The following OVCH2 variants were observed in gnomAD, a reference collection of about 807,000 sequenced individuals.
The protein encoded by OVCH2 is ovochymase-2.
Under a neutral mutation model 73.7 loss-of-function variants are expected in OVCH2, and 88 were observed. The observed-to-expected ratio is 1.19, with a 90% CI of 1.01 to 1.43. OVCH2 has a LOEUF of 1.43. Among genes scored for constraint, OVCH2 ranks in the 40% most tolerant of loss-of-function variants. The pLI, the probability that OVCH2 is intolerant of heterozygous loss-of-function variation, is 0.00. For synonymous variants in OVCH2, 265 were observed against 234.5 expected (o/e 1.13, Z -1.19); for missense variants, 706 against 674.5 (o/e 1.05, Z -0.52).
At chr11:7,701,154 A>C (rs1479189614) in intron 6 of OVCH2, among the ~76,000 whole-genome samples, 170 bp downstream of exon 6, 1 of 152,156 alleles carries the variant, frequency 6.6e-6, no homozygotes, top group Non-Finnish European at 1.5e-5. Context: ...TTTCTCACAC[A>C]TTTAACTAAC....
At chr11:7,688,215 A>G (rs1029432945), downstream of OVCH2, among the ~76,000 whole-genome samples, 4 of 151,048 alleles carry the variant, frequency 2.6e-5, no homozygotes, top group African/African-American at 9.8e-5. Flanking sequence ...TTGGGTTGCA[A>G]CTCTCACCTT....
chr11:7,703,775 T>C lies in OVCH2; in HGVS notation c.213A>G (p.Gln71=), dbSNP rs1322241764. 1 of 1,607,616 alleles carries C rather than the reference T, an allele frequency of 6.2e-7. No individual in the cohort carries two copies. Among genetic ancestry groups the C allele is most frequent in the Admixed American group, 1.7e-5 (1 of 59,222 alleles). ...GSYPWQVSLK[Q]RQKHICGGSI... is the part of the protein sequence containing the mutation. ...TTCCTCCACAAATATGCTTCTGCCT[T>C]TGTTTCAGAGATACCTAAATTGCAA... The change falls in exon 3 of 16, where the codon CAA becomes CAG. Residue 71 remains glutamine, a synonymous_variant. Transcript: ENST00000533663.
chr11:7,696,699 G>C lies in OVCH2; in HGVS notation c.1016+10C>G, dbSNP rs200952225. The C allele has an allele frequency of 3.7e-5, 60 of 1,613,698 alleles. No homozygotes were observed. Among genetic ancestry groups the C allele is most frequent in the Middle Eastern group, 3.3e-4 (2 of 6,084 alleles). ...GAGTAAGGAGGAGGAGTACAAAGGG[G>C]GTTACTCACTGCTTGCTCTCATAAT... is the stretch of plus-strand genomic sequence containing the variant. On this transcript the variant is annotated intron_variant, in intron 9 of 15. Transcript: ENST00000533663.
downstream of OVCH2, among the ~76,000 whole-genome samples, chr11:7,689,097 T>G (rs540939618): frequency 9.8e-5 from 15 of 152,346 alleles, no homozygotes; most frequent in African/African-American, 3.4e-4. Context: ...AATCAGACAC[T>G]AATCTAATTG....
Position 7,690,018 on chromosome 11 carries a change from G to A in OVCH2, c.1640-5C>T, listed in dbSNP as rs1317014750. ...AGATGTTTAAATCTGGGTATACTGG[G>A]TATAAGTATGATACAATTACTCAGT... On this transcript the variant is annotated splice_region_variant and splice_polypyrimidine_tract_variant and intron_variant, in intron 14 of 15. Coordinates refer to ENST00000533663, the MANE Select transcript of OVCH2 (RefSeq NM_198185.7). 2.0e-6 allele frequency: 3 copies of A among 1,494,046 alleles called. No individual in the cohort carries two copies. The highest frequency in any genetic ancestry group is 1.8e-6 in the Non-Finnish European group (2 of 1,109,174). The allele number at this position is 1,494,046 out of a possible 1,614,324, so 92.5% of individuals were successfully genotyped here.
At chr11:7,687,338 T>A (rs115116336), downstream of OVCH2, among the ~76,000 whole-genome samples, 5,481 of 147,096 alleles carry the variant, frequency 0.037, 131 homozygotes, top group African/African-American at 0.074. Flanking sequence ...ATAATAATAA[T>A]AATAAAGCCT....
intron 12 of OVCH2, among the ~76,000 whole-genome samples, chr11:7,692,834 C>T (rs564500567): frequency 6.6e-6 from 1 of 152,150 alleles, no homozygotes; most frequent in Non-Finnish European, 1.5e-5. Flanking sequence ...TCATGACAAA[C>T]CTTTTCTCAT....
intron 8 of OVCH2, 31 bp from the exon 9 acceptor site, chr11:7,696,830 A>T: frequency 6.4e-7 from 1 of 1,573,680 alleles, no homozygotes; most frequent in East Asian, 2.3e-5. Context: ...AGTCAGGGTT[A>T]GTTATGCCAG....
At chr11:7,694,978 A>G in intron 12 of OVCH2, 80 bp downstream of exon 12, 1 of 1,459,296 alleles carries the variant, frequency 6.9e-7, no homozygotes, top group Non-Finnish European at 9.2e-7. Flanking sequence ...TAAATCAGAT[A>G]AAACCTCTGA....
At chr11:7,691,508 T>C (rs754063471) in intron 13 of OVCH2, 108 bp from the exon 14 acceptor site, 62 of 1,348,982 alleles carry the variant, frequency 4.6e-5, no homozygotes, top group Non-Finnish European at 5.8e-5. Context: ...TGTTGAGAAA[T>C]ACGCTTTTCA....
intron 12 of OVCH2, among the ~76,000 whole-genome samples, chr11:7,694,568 G>A (rs1856284908): frequency 6.6e-6 from 1 of 151,938 alleles, no homozygotes; most frequent in Non-Finnish European, 1.5e-5. Flanking sequence ...AGGAAGACAT[G>A]CTTGTTTCTG....
chr11:7,699,129 G>C (rs564411665), intron 7 of OVCH2: 204 of 187,120 alleles, frequency 1.1e-3, no homozygotes, highest in African/African-American at 4.6e-3. Context: ...TGAGGGCTCA[G>C]ATACCTGCCA....
intron 14 of OVCH2, among the ~76,000 whole-genome samples, chr11:7,690,795 T>C (rs974588140): frequency 6.6e-6 from 1 of 152,200 alleles, no homozygotes; most frequent in South Asian, 2.1e-4. Flanking sequence ...ATTTCTGTTC[T>C]TTTTATTGGT....
intron 7 of OVCH2, 73 bp downstream of exon 7, chr11:7,700,223 C>T (rs1042502521): frequency 1.4e-6 from 2 of 1,469,152 alleles, no homozygotes; most frequent in Non-Finnish European, 1.9e-6. Context: ...TCTGATTTGC[C>T]AGGACTCTGC....
chr11:7,691,407 G>T lies in OVCH2; in HGVS notation c.1508-7C>A, dbSNP rs772272125. The T allele has an allele frequency of 1.2e-6, 2 of 1,610,358 alleles. No individual in the cohort carries two copies. The highest frequency in any genetic ancestry group is 4.5e-5 in the East Asian group (2 of 44,790). On this transcript the variant is annotated splice_region_variant and splice_polypyrimidine_tract_variant and intron_variant, in intron 13 of 15. Coordinates refer to ENST00000533663, the MANE Select transcript of OVCH2 (RefSeq NM_198185.7). Reference sequence around the variant, plus strand: ...TCATAGCCACACAGCCGAGCTTGTTGAAGGCCAGCCCAGGCATGACATTGT... The same window carrying T: ...TCATAGCCACACAGCCGAGCTTGTTTAAGGCCAGCCCAGGCATGACATTGT...
intron 11 of OVCH2, 134 bp downstream of exon 11, chr11:7,695,436 T>C (rs2136154716): frequency 2.0e-6 from 2 of 982,602 alleles, no homozygotes; most frequent in East Asian, 5.2e-5. Flanking sequence ...GTTCTCTAGT[T>C]GGCCTGTGCC....
intron 8 of OVCH2, among the ~76,000 whole-genome samples, chr11:7,697,203 A>AT (rs796349394): frequency 6.6e-6 from 1 of 152,056 alleles, no homozygotes; most frequent in South Asian, 2.1e-4. Flanking sequence ...CACCCGGCTA[A>AT]TTTTTTGAAG....
the OVCH2 span, among the ~76,000 whole-genome samples, chr11:7,679,874 C>T: frequency 6.6e-6 from 1 of 152,134 alleles, no homozygotes; most frequent in Non-Finnish European, 1.5e-5. Context: ...ATAAATACCT[C>T]AAAGGGCTGA....
At chr11:7,694,785 A>T (rs1017616536) in intron 12 of OVCH2, among the ~76,000 whole-genome samples, 1 of 149,352 alleles carries the variant, frequency 6.7e-6, no homozygotes, top group Non-Finnish European at 1.5e-5. Flanking sequence ...CTAATTCAAT[A>T]CAAAGATTAA....
Sources: gnomAD v4.1 joint callset for allele counts (sites outside exome capture counted in the v4.1 genomes callset) on GRCh38, gnomAD v4.1.1 for gene constraint, MANE v1.5 for transcripts, NCBI Gene and HGNC (gene_info 2026-07-23, HGNC 2026-07-21) for gene names.